Variants in TUBD1 observed in about 807,000 individuals in gnomAD.
The protein encoded by TUBD1 is tubulin delta 1, also known as tubulin delta chain.
In TUBD1, 38 loss-of-function variants were observed where a neutral mutation model predicts 51.2. That is an observed-to-expected ratio of 0.74 (90% CI 0.57 to 0.97). The LOEUF is 0.97. Ranked by LOEUF, TUBD1 falls within the 50% of genes least tolerant of loss-of-function variation. TUBD1 has a pLI of 0.00. For synonymous variants in TUBD1, 169 were observed against 178.2 expected, an observed-to-expected ratio of 0.95 and a Z score of 0.41; for missense variants, 489 against 538.4, an observed-to-expected ratio of 0.91 and a Z score of 0.91.
intron 3 of TUBD1, among the ~76,000 whole-genome samples, chr17:59,882,931 C>T (rs571715342): frequency 9.0e-6 from 1 of 111,464 alleles, no homozygotes; most frequent in African/African-American, 3.0e-5. Context: ...ACCACAGGCA[C>T]AGGCCGCCAC....
chr17:59,876,068 T>C (rs896348451), intron 5 of TUBD1, among the ~76,000 whole-genome samples: 2 of 152,074 alleles, frequency 1.3e-5, no homozygotes, highest in African/African-American at 2.4e-5. Context: ...GCTAATGGAG[T>C]GTCCTCTAAA....
chr17:59,876,617 A>C (rs578006572), intron 5 of TUBD1, among the ~76,000 whole-genome samples: 1 of 152,120 alleles, frequency 6.6e-6, no homozygotes, highest in Admixed American at 6.6e-5. Flanking sequence ...TTGGCCTCCC[A>C]AAGTGCTGGG....
intron 2 of TUBD1, among the ~76,000 whole-genome samples, chr17:59,886,950 C>T (rs1380287371): frequency 2.4e-4 from 36 of 151,768 alleles, no homozygotes; most frequent in Admixed American, 2.0e-3. Context: ...TTTGGGAGGC[C>T]GAGGCGGGCG....
chr17:59,863,694 A>G lies in TUBD1; in HGVS notation c.1229T>C (p.Val410Ala). The G allele has an allele frequency of 6.3e-7, 1 of 1,592,060 alleles. No individual in the cohort carries two copies. The highest frequency in any genetic ancestry group is 1.2e-5 in the South Asian group (1 of 86,540). Residue 410 changes from valine (V) to alanine (A), a missense_variant, in exon 8 of 9, where the codon GTT becomes GCT. Coordinates refer to ENST00000325752, the MANE Select transcript of TUBD1 (RefSeq NM_016261.4). ...AGCAAACATATTCCATGCCTTCCCA[A>G]CAATCATATCAAGTGGTTTTACTAA... is the stretch of plus-strand genomic sequence containing the variant. ...QFLVKPLDMI[V>A]GKAWNMFASK...
rs1299819571 is a variant in TUBD1 at position 59,860,072 on chromosome 17, G to A, written c.*250C>T. The A allele has an allele frequency of 4.4e-6, 1 of 227,494 alleles. No homozygotes were observed. The highest frequency in any genetic ancestry group is 8.3e-6 in the Non-Finnish European group (1 of 120,928). The allele number at this position is 227,494 out of a possible 1,614,324, so 14.1% of individuals were successfully genotyped here. A position where few individuals can be genotyped will look rare whatever the true frequency, so the allele number is the denominator to read the frequency against. ...GCTCTGTCGCCCAGGCTGGAGTGCA[G>A]TGGCGCGATCTCGGCTCACTGCAAG... On this transcript the variant is annotated 3_prime_UTR_variant, in exon 9 of 9. Coordinates refer to ENST00000325752, the MANE Select transcript of TUBD1 (RefSeq NM_016261.4).
intron 6 of TUBD1, among the ~76,000 whole-genome samples, chr17:59,869,079 G>C (rs1057179136): frequency 6.6e-6 from 1 of 151,714 alleles, no homozygotes; most frequent in Non-Finnish European, 1.5e-5. Flanking sequence ...TATAAAACTA[G>C]ATCCTTCAAC....
chr17:59,877,824 T>C (rs1385081303), intron 5 of TUBD1, among the ~76,000 whole-genome samples: 3 of 150,526 alleles, frequency 2.0e-5, no homozygotes, highest in Non-Finnish European at 3.0e-5. Context: ...AATGGGTGAA[T>C]TGCATGTTAG....
At chr17:59,884,442 G>A (rs566439609) in intron 3 of TUBD1, among the ~76,000 whole-genome samples, 3 of 151,600 alleles carry the variant, frequency 2.0e-5, no homozygotes, top group East Asian at 2.0e-4. Flanking sequence ...GTGAAACCCC[G>A]TCTCTACTAA....
At chr17:59,889,422 T>G (rs1351650140) in intron 2 of TUBD1, among the ~76,000 whole-genome samples, 1 of 151,004 alleles carries the variant, frequency 6.6e-6, no homozygotes, top group Non-Finnish European at 1.5e-5. Context: ...ATCCCAGCAC[T>G]TTGGGAAGCT....
At chr17:59,861,215 C>T (rs2039426870) in intron 8 of TUBD1, among the ~76,000 whole-genome samples, 1 of 145,206 alleles carries the variant, frequency 6.9e-6, no homozygotes, top group African/African-American at 2.6e-5. Flanking sequence ...TTTTTTGAGA[C>T]AGGGTTTTGC....
At chr17:59,861,418 T>G (rs1238507958) in intron 8 of TUBD1, among the ~76,000 whole-genome samples, 1 of 150,312 alleles carries the variant, frequency 6.7e-6, no homozygotes, top group Non-Finnish European at 1.5e-5. Context: ...AGGCTGGTCT[T>G]GAATTCCTGG....
intron 6 of TUBD1, among the ~76,000 whole-genome samples, chr17:59,868,400 A>C (rs1476624523): frequency 6.6e-6 from 1 of 151,380 alleles, no homozygotes; most frequent in South Asian, 2.1e-4. Context: ...AAATAGGGTA[A>C]ATCTTTACGT....
intron 6 of TUBD1, among the ~76,000 whole-genome samples, chr17:59,873,735 C>T (rs2040101699): frequency 6.6e-6 from 1 of 152,046 alleles, no homozygotes; most frequent in Non-Finnish European, 1.5e-5. Flanking sequence ...CATGGTAGCA[C>T]ACGCCTGTAA....
At position 59,890,877 on chromosome 17, in the gene TUBD1, A is replaced by C; in HGVS notation, c.126T>G (p.Tyr42Ter). 6.2e-7 allele frequency: 1 copy of C among 1,613,550 alleles called. No homozygotes were observed. Among genetic ancestry groups the C allele is most frequent in the East Asian group, 2.2e-5 (1 of 44,858 alleles). The change falls in exon 2 of 9, where the codon TAT becomes TAG. Residue 42 changes from tyrosine (Y) to a stop codon, truncating the protein, a stop_gained. Transcript: ENST00000325752. LOFTEE classifies it high-confidence loss of function. ...AGAATCTTTCTTTGCAAGATGCTTG[A>C]TATGCCTCATTCTCTCTCATAGAGC... ...GLCSMRENEAYQASCKERFFS... is the reference protein window; with the variant it reads ...GLCSMRENEA
intron 5 of TUBD1, 64 bp from the exon 6 acceptor site, chr17:59,874,767 T>C: frequency 7.3e-7 from 1 of 1,378,156 alleles, no homozygotes; most frequent in Non-Finnish European, 1.0e-6. Context: ...ATAGTCTATA[T>C]ATAACCATGA....
At chr17:59,886,913 G>A (rs1030771652) in intron 2 of TUBD1, among the ~76,000 whole-genome samples, 36 of 152,018 alleles carry the variant, frequency 2.4e-4, no homozygotes, top group African/African-American at 8.2e-4. Context: ...GGCCAGGTGC[G>A]GTGGCTCACA....
intron 6 of TUBD1, among the ~76,000 whole-genome samples, chr17:59,869,009 C>T (rs2039852360): frequency 6.7e-6 from 1 of 148,596 alleles, no homozygotes. Context: ...AGAGTGAAAC[C>T]CCATCTCAAA....
At chr17:59,861,955 T>A (rs1016585796) in intron 8 of TUBD1, among the ~76,000 whole-genome samples, 3 of 150,762 alleles carry the variant, frequency 2.0e-5, no homozygotes, top group Non-Finnish European at 3.0e-5. Flanking sequence ...TGTGAGCCAC[T>A]GCACCCAGCC....
intron 8 of TUBD1, 146 bp downstream of exon 8, chr17:59,863,518 A>C: frequency 2.0e-6 from 1 of 492,426 alleles, no homozygotes. Flanking sequence ...CTGCAGCAGG[A>C]GAATCACTTA....
Sources: allele counts gnomAD v4.1 joint callset (sites outside exome capture counted in the v4.1 genomes callset), GRCh38; gene constraint gnomAD v4.1.1; transcripts MANE v1.5; gene names NCBI Gene and HGNC (gene_info 2026-07-23, HGNC 2026-07-21).